Variants in TMLHE observed in about 807,000 individuals in gnomAD.
TMLHE encodes the protein trimethyllysine hydroxylase, epsilon, also known as trimethyllysine dioxygenase, mitochondrial.
A neutral mutation model predicts 25.7 loss-of-function variants in TMLHE; 18 were observed. That is an observed-to-expected ratio of 0.70 (90% CI 0.48 to 1.04). The LOEUF is 1.04. Ranked by LOEUF, TMLHE falls within the 50% of genes least tolerant of loss-of-function variation. The pLI is 0.00. For synonymous variants in TMLHE, 105 were observed against 97.0 expected (o/e 1.08, Z -0.49); for missense variants, 236 against 259.0 (o/e 0.91, Z 0.61).
At chrX:155,505,389 A>G (rs1238211767) in intron 6 of TMLHE, among the ~76,000 whole-genome samples, 1 of 111,814 alleles carries the variant, frequency 8.9e-6, no homozygotes, top group Non-Finnish European at 1.9e-5. Context: ...AGGGAAGTAA[A>G]TTAATATTTA....
intron 2 of TMLHE, among the ~76,000 whole-genome samples, chrX:155,541,145 C>T (rs2067308317): frequency 9.0e-6 from 1 of 110,569 alleles, no homozygotes; most frequent in African/African-American, 3.3e-5. Flanking sequence ...TTGCTGCACC[C>T]ATCAACCTGT....
rs1250076090 is a variant in TMLHE at position 155,548,444 on chromosome X, ACATCCT to A, written c.-1-3173_-1-3168del. ...GTATTAATATCAAGAATATTTAAAG[ACATCCT>A]ACAGGCTGGGCACGGTGGCTCATGC... On this transcript the variant is annotated intron_variant, in intron 1 of 7. Coordinates refer to ENST00000334398, the MANE Select transcript of TMLHE (RefSeq NM_018196.4). 6.3e-5 allele frequency among the ~76,000 whole-genome samples: 7 copies of A among 111,530 alleles called. 1 individual carries two copies. In the East Asian group the frequency reaches 2.0e-3, roughly 32 times the overall value.
chrX:155,547,909 C>G (rs2067364490), intron 1 of TMLHE, among the ~76,000 whole-genome samples: 1 of 110,920 alleles, frequency 9.0e-6, no homozygotes. Context: ...TAGACACATA[C>G]AGAAATACAT....
intron 4 of TMLHE, among the ~76,000 whole-genome samples, chrX:155,513,148 T>C (rs1217037896): frequency 9.0e-6 from 1 of 111,535 alleles, no homozygotes; most frequent in East Asian, 2.8e-4. Flanking sequence ...AGACCCAGCA[T>C]ACTATCTACT....
chrX:155,528,431 C>T (rs1196714569), intron 2 of TMLHE, among the ~76,000 whole-genome samples: 1 of 110,344 alleles, frequency 9.1e-6, no homozygotes, highest in Non-Finnish European at 1.9e-5. Context: ...GCACCCATCA[C>T]CCGAGTAGTG....
chrX:155,513,905 T>C, intron 4 of TMLHE, 81 bp downstream of exon 4: 10 of 1,015,964 alleles, frequency 9.8e-6, no homozygotes, highest in Non-Finnish European at 1.3e-5. Context: ...AGGGTGACCA[T>C]ACCTGTTACA....
chrX:155,582,935 A>G (rs782149303), intron 1 of TMLHE, among the ~76,000 whole-genome samples: 1 of 112,687 alleles, frequency 8.9e-6, no homozygotes, highest in African/African-American at 3.2e-5. Flanking sequence ...ATGTCCATCA[A>G]TGATAGACTG....
chrX:155,584,153 TA>T (rs1391705832), intron 1 of TMLHE, among the ~76,000 whole-genome samples: 2 of 110,369 alleles, frequency 1.8e-5, no homozygotes, highest in African/African-American at 6.6e-5. Context: ...TTCAAATAGA[TA>T]TTTTTTTAAA....
At chrX:155,547,280 G>A (rs1276864615) in intron 1 of TMLHE, among the ~76,000 whole-genome samples, 1 of 88,496 alleles carries the variant, frequency 1.1e-5, no homozygotes, top group Non-Finnish European at 2.3e-5. Flanking sequence ...GAGTAGCTGG[G>A]ACTACAGGCA....
At chrX:155,582,051 G>A (rs898626910) in intron 1 of TMLHE, among the ~76,000 whole-genome samples, 2 of 111,887 alleles carry the variant, frequency 1.8e-5, no homozygotes, top group Non-Finnish European at 3.8e-5. Context: ...TTTGACAAAC[G>A]TGACAAATAC....
chrX:155,591,366 C>A (rs2067692969), intron 1 of TMLHE, among the ~76,000 whole-genome samples: 1 of 111,533 alleles, frequency 9.0e-6, no homozygotes, highest in Non-Finnish European at 1.9e-5. Context: ...CACTTCACTC[C>A]AAAACGCACA....
chrX:155,541,137 G>A (rs1569562011), intron 2 of TMLHE, among the ~76,000 whole-genome samples: 1 of 110,416 alleles, frequency 9.1e-6, no homozygotes, highest in East Asian at 2.8e-4. Context: ...ATGGTGGTTT[G>A]CTGCACCCAT....
chrX:155,592,196 A>G (rs1189330441), intron 1 of TMLHE, among the ~76,000 whole-genome samples: 1 of 111,756 alleles, frequency 8.9e-6, no homozygotes, highest in Non-Finnish European at 1.9e-5. Flanking sequence ...GGCTGGGTGC[A>G]GGGGAGGGGA....
chrX:155,562,586 T>G lies in TMLHE; in HGVS notation c.-1-17309A>C, dbSNP rs1307992265. Among the ~76,000 whole-genome samples, 26 of 61,981 alleles carry G rather than the reference T, an allele frequency of 4.2e-4. 3 individuals are homozygous for G. Among genetic ancestry groups the G allele is most frequent in the African/African-American group, 8.9e-4 (25 of 27,995 alleles). The allele number at this position is 61,981 out of a possible 115,157, so 53.8% of individuals were successfully genotyped here. A position where few individuals can be genotyped will look rare whatever the true frequency, so the allele number is the denominator to read the frequency against. ...GGGTTTTTTGGTTTTTTCCTTTCTA[T>G]CATATATTCAGGCTGCAAATTTGCC... On this transcript the variant is annotated intron_variant, in intron 1 of 7. Transcript: ENST00000334398.
At chrX:155,577,892 G>A (rs782163012) in intron 1 of TMLHE, among the ~76,000 whole-genome samples, 2 of 111,431 alleles carry the variant, frequency 1.8e-5, no homozygotes, top group South Asian at 7.6e-4. Context: ...GCTGTGAAAC[G>A]AAAGAGAAAG....
Position 155,548,455 on chromosome X carries a change from GCT to G in TMLHE, c.-1-3180_-1-3179del, listed in dbSNP as rs1569562059. ...AAGAATATTTAAAGACATCCTACAG[GCT>G]GGGCACGGTGGCTCATGCCTGAAAT... On this transcript the variant is annotated intron_variant, in intron 1 of 7. Transcript: ENST00000334398. Among the ~76,000 whole-genome samples, 7 of 110,999 alleles carry G rather than the reference GCT, an allele frequency of 6.3e-5. 1 individual carries two copies. The East Asian group carries it at 2.0e-3, about 32-fold the overall frequency.
chrX:155,560,681 A>G (rs2067491997), intron 1 of TMLHE, among the ~76,000 whole-genome samples: 1 of 57,786 alleles, frequency 1.7e-5, no homozygotes, highest in East Asian at 7.3e-4. Context: ...CAAAAGAAAA[A>G]AAAAAGAAAG....
At chrX:155,549,715 T>G in intron 1 of TMLHE, among the ~76,000 whole-genome samples, 1 of 110,269 alleles carries the variant, frequency 9.1e-6, no homozygotes, top group Middle Eastern at 4.7e-3. Flanking sequence ...TCAGGTATTT[T>G]ATCAGATTTA....
At chrX:155,527,028 G>A (rs782108658) in intron 2 of TMLHE, among the ~76,000 whole-genome samples, 2 of 112,538 alleles carry the variant, frequency 1.8e-5, no homozygotes, top group African/African-American at 6.4e-5. Context: ...TTCTGAGTTA[G>A]TGCTGGAGTG....
Sources: gnomAD v4.1 joint callset for allele counts (sites outside exome capture counted in the v4.1 genomes callset) on GRCh38, gnomAD v4.1.1 for gene constraint, MANE v1.5 for transcripts, NCBI Gene and HGNC (gene_info 2026-07-23, HGNC 2026-07-21) for gene names.